Variants in PJA2 observed in about 807,000 individuals in gnomAD.
PJA2 encodes the protein E3 ubiquitin-protein ligase Praja-2.
PJA2 carries 25 observed loss-of-function variants against 69.3 expected under a neutral mutation model. The ratio of observed to expected loss-of-function variants is 0.36; its 90% CI spans 0.26 to 0.50. The LOEUF (loss-of-function observed/expected upper bound fraction) is 0.50, where lower values mean the gene tolerates loss of function less well. PJA2 is among the 20% of genes least tolerant of loss of function. The pLI, the probability that PJA2 is intolerant of heterozygous loss-of-function variation, is 0.96. For missense variants in PJA2, 809 were observed against 830.2 expected (o/e 0.97, Z 0.31); for synonymous variants, 308 against 277.8 (o/e 1.11, Z -1.08).
At chr5:109,353,470 TATAGATATCTA>T (rs1278959300) in intron 7 of PJA2, among the ~76,000 whole-genome samples, 6 of 102,006 alleles carry the variant, frequency 5.9e-5, no homozygotes, top group African/African-American at 1.9e-4. Flanking sequence ...TACCTATATC[TATAGATATCTA>T]ATATATTAGA....
intron 4 of PJA2, among the ~76,000 whole-genome samples, chr5:109,375,939 T>C (rs541132104): frequency 6.6e-6 from 1 of 152,290 alleles, no homozygotes; most frequent in Admixed American, 6.5e-5. Flanking sequence ...AGAGTTTCTG[T>C]TCAGAAATAG....
chr5:109,348,785 G>C (rs1215808724), intron 7 of PJA2, among the ~76,000 whole-genome samples: 1 of 152,130 alleles, frequency 6.6e-6, no homozygotes, highest in Non-Finnish European at 1.5e-5. Context: ...AATATGACTG[G>C]GTCATGGAAG....
At chr5:109,364,704 A>T (rs1334604574) in intron 5 of PJA2, among the ~76,000 whole-genome samples, 2 of 143,518 alleles carry the variant, frequency 1.4e-5, no homozygotes, top group African/African-American at 4.9e-5. Context: ...CACAAAACTC[A>T]AACTGAGAAA....
At chr5:109,409,190 C>T (rs1747763791) in intron 1 of PJA2, 1 of 151,726 alleles carries the variant, frequency 6.6e-6, no homozygotes, top group Non-Finnish European at 1.5e-5. Flanking sequence ...GCAAGAGGAG[C>T]TCTGGCCTGA....
At chr5:109,345,056 G>A (rs575906235) in intron 7 of PJA2, among the ~76,000 whole-genome samples, 66 of 151,520 alleles carry the variant, frequency 4.4e-4, no homozygotes, top group African/African-American at 1.6e-3. Context: ...AATATACCTT[G>A]TCTCGGCCGG....
intron 1 of PJA2, among the ~76,000 whole-genome samples, chr5:109,397,933 T>C (rs1343756250): frequency 3.9e-5 from 6 of 152,052 alleles, no homozygotes; most frequent in African/African-American, 1.5e-4. Context: ...ATCCAGAATC[T>C]ACAAAGAACT....
At position 109,401,153 on chromosome 5, in the gene PJA2, G is replaced by A. The variant is rs542121672; in HGVS notation, c.-88+8689C>T. On this transcript the variant is annotated intron_variant, in intron 1 of 9. Transcript: ENST00000361189. ...ACAAAAATTAGCCAGACGTAGTGGC[G>A]GGAGCCTGTGATCGCAGATACTTGG... 4.6e-5 allele frequency among the ~76,000 whole-genome samples: 7 copies of A among 152,202 alleles called. No individual in the cohort carries two copies. The East Asian group carries it at 1.2e-3, about 25-fold the overall frequency.
chr5:109,369,522 A>C (rs901276883), intron 4 of PJA2, among the ~76,000 whole-genome samples: 1 of 152,264 alleles, frequency 6.6e-6, no homozygotes, highest in Non-Finnish European at 1.5e-5. Flanking sequence ...GACTTACTGC[A>C]TATCTAACAT....
intron 1 of PJA2, among the ~76,000 whole-genome samples, chr5:109,398,290 G>C (rs1022768928): frequency 1.3e-5 from 2 of 152,026 alleles, no homozygotes; most frequent in African/African-American, 4.8e-5. Flanking sequence ...ATACCCAAAG[G>C]ATTATAAATC....
intron 7 of PJA2, among the ~76,000 whole-genome samples, chr5:109,353,516 AT>A (rs1465037019): frequency 2.3e-4 from 11 of 47,868 alleles, no homozygotes; most frequent in South Asian, 2.2e-3. Context: ...ATAGATATCT[AT>A]ATATTAGATA....
At chr5:109,355,879 T>C (rs1160831291) in intron 7 of PJA2, 36 bp downstream of exon 7, 11 of 1,423,224 alleles carry the variant, frequency 7.7e-6, no homozygotes, top group Middle Eastern at 1.8e-4. Flanking sequence ...TTGTATCCCA[T>C]CAACTTATAT....
intron 1 of PJA2, among the ~76,000 whole-genome samples, chr5:109,395,401 T>C (rs997029961): frequency 6.6e-6 from 1 of 151,886 alleles, no homozygotes; most frequent in Non-Finnish European, 1.5e-5. Context: ...TGGTGGCGTG[T>C]GCTGTAGTCC....
chr5:109,376,194 A>T (rs935326442), intron 4 of PJA2, among the ~76,000 whole-genome samples: 2 of 151,714 alleles, frequency 1.3e-5, no homozygotes, highest in African/African-American at 4.8e-5. Context: ...ATACATTACT[A>T]GCAATTTAAA....
At chr5:109,396,593 A>T (rs1376703379) in intron 1 of PJA2, among the ~76,000 whole-genome samples, 1 of 151,252 alleles carries the variant, frequency 6.6e-6, no homozygotes, top group East Asian at 1.9e-4. Context: ...CGTCCCGCTA[A>T]ATTTTGTATT....
At chr5:109,396,406 C>T (rs1248771481) in intron 1 of PJA2, among the ~76,000 whole-genome samples, 1 of 147,580 alleles carries the variant, frequency 6.8e-6, no homozygotes, top group Non-Finnish European at 1.5e-5. Flanking sequence ...ATTACTTCTA[C>T]TTAACATGTA....
At chr5:109,394,527 T>C (rs1747360470) in intron 1 of PJA2, among the ~76,000 whole-genome samples, 1 of 152,250 alleles carries the variant, frequency 6.6e-6, no homozygotes, top group South Asian at 2.1e-4. Flanking sequence ...TTTTTATGCC[T>C]TCCATTTTTT....
intron 1 of PJA2, chr5:109,409,411 G>C (rs1747773550): frequency 6.6e-6 from 1 of 152,534 alleles, no homozygotes; most frequent in Non-Finnish European, 1.5e-5. Flanking sequence ...GCGGGGTGAC[G>C]GGAAACCGCA....
chr5:109,365,224 A>G (rs1762565764), intron 5 of PJA2, among the ~76,000 whole-genome samples: 1 of 152,216 alleles, frequency 6.6e-6, no homozygotes, highest in Non-Finnish European at 1.5e-5. Flanking sequence ...AAACTGGTAT[A>G]CTCATGTAGT....
At position 109,394,039 on chromosome 5, in the gene PJA2, C is replaced by CTTTT. The variant is rs75679188; in HGVS notation, c.-87-10523_-87-10520dup. ...GATGTGCTAGTAACATTCTAATTCTCTTTTTTTTTTTTTTTTTTTTTTTTT... is the reference window on the plus strand; with the variant it reads ...GATGTGCTAGTAACATTCTAATTCTCTTTTTTTTTTTTTTTTTTTTTTTTTTTTT... On this transcript the variant is annotated intron_variant, in intron 1 of 9. Transcript: ENST00000361189. Among the ~76,000 whole-genome samples, 238 of 81,856 alleles carry CTTTT rather than the reference C, an allele frequency of 2.9e-3. 4 individuals carry two copies. Among genetic ancestry groups the CTTTT allele is most frequent in the Non-Finnish European group, 4.8e-3 (196 of 40,818 alleles). 53.7% of individuals were successfully genotyped at this position (81,856 alleles called of 152,430 possible). A position where few individuals can be genotyped will look rare whatever the true frequency, so the allele number is the denominator to read the frequency against.
Sources: allele counts gnomAD v4.1 joint callset (sites outside exome capture counted in the v4.1 genomes callset), GRCh38; gene constraint gnomAD v4.1.1; transcripts MANE v1.5; gene names NCBI Gene and HGNC (gene_info 2026-07-23, HGNC 2026-07-21).